The following JAK2 variants were observed in gnomAD, a reference collection of about 807,000 sequenced individuals.
JAK2 encodes tyrosine-protein kinase JAK2.
Under a neutral mutation model 139.3 loss-of-function variants are expected in JAK2, and 86 were observed. That is an observed-to-expected ratio of 0.62 (90% CI 0.52 to 0.74). JAK2 has a LOEUF of 0.74. JAK2 is among the 30% of genes least tolerant of loss of function. The probability of loss-of-function intolerance (pLI) is 0.00; values close to 1 mark genes in which losing one functional copy is unlikely to be tolerated. For synonymous variants in JAK2, 490 were observed against 437.7 expected (o/e 1.12, Z -1.49); for missense variants, 1,421 against 1,360.3 (o/e 1.04, Z -0.70).
At position 5,077,556 on chromosome 9, in the gene JAK2, G is replaced by T; in HGVS notation, c.1968G>T (p.Gln656His). The T allele has an allele frequency of 6.7e-7, 1 of 1,491,336 alleles. No homozygotes were observed. The highest frequency in any genetic ancestry group is 8.9e-7 in the Non-Finnish European group (1 of 1,121,492). 92.4% of individuals were successfully genotyped at this position (1,491,336 alleles called of 1,614,324 possible). Reference sequence around the variant, plus strand: ...TATGGAAACTTGAAGTTGCTAAACAGTTGGCATGGGCCATGCATTTTCTAG... The same window carrying T: ...TATGGAAACTTGAAGTTGCTAAACATTTGGCATGGGCCATGCATTTTCTAG... ...NILWKLEVAKQLAWAMHFLEE... is the reference protein window; with the variant it reads ...NILWKLEVAKHLAWAMHFLEE... The change falls in exon 15 of 25, where the codon CAG becomes CAT. Residue 656 changes from glutamine (Q) to histidine (H), a missense_variant. Coordinates refer to ENST00000381652, the MANE Select transcript of JAK2 (RefSeq NM_004972.4).
intron 19 of JAK2, chr9:5,085,922 C>A: frequency 9.4e-7 from 1 of 1,059,192 alleles, no homozygotes; most frequent in Non-Finnish European, 1.5e-6. Flanking sequence ...ACAGACCTTT[C>A]AAGTCTCTCC....
At chr9:5,020,899 C>T (rs796732451) in intron 2 of JAK2, among the ~76,000 whole-genome samples, 8 of 152,116 alleles carry the variant, frequency 5.3e-5, no homozygotes, top group African/African-American at 1.9e-4. Flanking sequence ...GTGGGTTGGG[C>T]TTTAAAAATG....
chr9:5,090,614 T>C (rs745920399), intron 21 of JAK2, 44 bp downstream of exon 21: 90 of 1,547,812 alleles, frequency 5.8e-5, no homozygotes, highest in Middle Eastern at 1.7e-4. Flanking sequence ...AGCAACCGTG[T>C]TGAAGTAGAC....
chr9:5,118,074 T>C (rs1294101689), intron 22 of JAK2, among the ~76,000 whole-genome samples: 2 of 152,358 alleles, frequency 1.3e-5, no homozygotes, highest in Middle Eastern at 3.4e-3. Flanking sequence ...CCTTTAAATG[T>C]GTCCAACTGA....
At position 5,089,860 on chromosome 9, in the gene JAK2, G is replaced by C; in HGVS notation, c.2758G>C (p.Ala920Pro). ...AAAGTACAAGGGAGTGTGCTACAGT[G>C]CTGGTAAGCTGCCCATTGAAACCTA... is the stretch of plus-strand genomic sequence containing the variant. ...IVKYKGVCYSAGRRNLKLIME... is the reference protein window; with the variant it reads ...IVKYKGVCYSPGRRNLKLIME... Residue 920 changes from alanine (A) to proline (P), a missense_variant, in exon 20 of 25, where the codon GCT becomes CCT. Coordinates refer to ENST00000381652, the MANE Select transcript of JAK2 (RefSeq NM_004972.4). The C allele has an allele frequency of 6.8e-7, 1 of 1,480,304 alleles. No homozygotes were observed. Among genetic ancestry groups the C allele is most frequent in the Non-Finnish European group, 8.9e-7 (1 of 1,117,856 alleles). The allele number at this position is 1,480,304 out of a possible 1,614,324, so 91.7% of individuals were successfully genotyped here.
intron 2 of JAK2, among the ~76,000 whole-genome samples, chr9:5,011,930 T>G (rs778738419): frequency 2.6e-5 from 4 of 152,152 alleles, no homozygotes; most frequent in Non-Finnish European, 5.9e-5. Flanking sequence ...GCCTGAGATA[T>G]TTACCAGTTC....
intron 8 of JAK2, among the ~76,000 whole-genome samples, chr9:5,062,279 C>A (rs1173226970): frequency 6.6e-6 from 1 of 151,754 alleles, no homozygotes; most frequent in Non-Finnish European, 1.5e-5. Context: ...ATGCAGGGGT[C>A]CTGTAACTAA....
intron 22 of JAK2, chr9:5,111,494 G>A: frequency 2.7e-6 from 1 of 366,932 alleles, no homozygotes; most frequent in Non-Finnish European, 5.4e-6. Flanking sequence ...GTACGGTAGG[G>A]ATGCCGCCGC....
intron 20 of JAK2, 54 bp from the exon 21 acceptor site, chr9:5,090,392 T>G: frequency 1.6e-6 from 2 of 1,267,714 alleles, no homozygotes; most frequent in Non-Finnish European, 1.0e-6. Context: ...TTTCTAATAT[T>G]TAATCAGTAT....
chr9:5,076,835 C>T (rs1819337911), intron 14 of JAK2, among the ~76,000 whole-genome samples: 1 of 151,996 alleles, frequency 6.6e-6, no homozygotes, highest in Non-Finnish European at 1.5e-5. Context: ...TGGTTTGGAA[C>T]CTGTTATATG....
chr9:5,038,291 C>A (rs928683892), intron 4 of JAK2, among the ~76,000 whole-genome samples: 1 of 152,014 alleles, frequency 6.6e-6, no homozygotes, highest in South Asian at 2.1e-4. Flanking sequence ...ATAAAGAAAT[C>A]AAATTAGCAA....
chr9:4,995,728 C>T lies in JAK2; in HGVS notation c.-26+9706C>T, dbSNP rs116500898. On this transcript the variant is annotated intron_variant, in intron 2 of 24. Coordinates refer to ENST00000381652, the MANE Select transcript of JAK2 (RefSeq NM_004972.4). ...GTACTTGAAAATAAAATGAATAAAT[C>T]AAGCATTTAGGAATAGAAGCAGATC... is the stretch of plus-strand genomic sequence containing the variant. Among the ~76,000 whole-genome samples the T allele has an allele frequency of 8.1e-3, 1,227 of 152,242 alleles. 18 individuals are homozygous for T. Among genetic ancestry groups the T allele is most frequent in the African/African-American group, 0.027 (1,134 of 41,532 alleles).
chr9:5,074,608 G>A (rs181213313), intron 14 of JAK2, among the ~76,000 whole-genome samples: 7 of 152,322 alleles, frequency 4.6e-5, no homozygotes, highest in Admixed American at 3.3e-4. Context: ...CCATCAATGA[G>A]CCATTCCTCT....
At chr9:5,077,713 G>A in intron 15 of JAK2, 133 bp downstream of exon 15, 1 of 484,252 alleles carries the variant, frequency 2.1e-6, no homozygotes. Context: ...TGTGTTAGGT[G>A]ATAAAAAGAG....
intron 10 of JAK2, among the ~76,000 whole-genome samples, chr9:5,068,085 G>A (rs774149562): frequency 5.3e-5 from 8 of 151,692 alleles, no homozygotes; most frequent in Non-Finnish European, 8.8e-5. Context: ...GCTTGAACCC[G>A]GGAGGTGGAG....
chr9:5,035,806 T>C (rs1823550562), intron 4 of JAK2, among the ~76,000 whole-genome samples: 1 of 152,190 alleles, frequency 6.6e-6, no homozygotes, highest in African/African-American at 2.4e-5. Flanking sequence ...AAGCATTCCC[T>C]TTGAAAACTG....
chr9:5,086,050 C>G lies in JAK2; in HGVS notation c.2572-3624C>G, dbSNP rs1231362685. ...GGACAGGCAGGTGTTAAATGCTTCA[C>G]AAGATTAAAATAGGGTATCTGAGAC... On this transcript the variant is annotated intron_variant, in intron 19 of 24. Coordinates refer to ENST00000381652, the MANE Select transcript of JAK2 (RefSeq NM_004972.4). 5.4e-6 allele frequency: 4 copies of G among 740,130 alleles called. 1 individual carries two copies. Among genetic ancestry groups the G allele is most frequent in the South Asian group, 2.8e-5 (2 of 72,472 alleles). 45.8% of individuals were successfully genotyped at this position (740,130 alleles called of 1,614,324 possible). A position where few individuals can be genotyped will look rare whatever the true frequency, so the allele number is the denominator to read the frequency against.
chr9:5,041,222 C>A (rs796627727), intron 4 of JAK2: 72 of 1,466,194 alleles, frequency 4.9e-5, no homozygotes, highest in Non-Finnish European at 6.1e-5. Flanking sequence ...CCTGGTGGGG[C>A]GCCCGGGGAC....
intron 4 of JAK2, among the ~76,000 whole-genome samples, chr9:5,035,887 C>T (rs1397426057): frequency 6.6e-6 from 1 of 152,168 alleles, no homozygotes; most frequent in African/African-American, 2.4e-5. Context: ...CCAGGGCAGT[C>T]AGGCTGGAGA....
Sources: gnomAD v4.1 joint callset for allele counts (sites outside exome capture counted in the v4.1 genomes callset) on GRCh38, gnomAD v4.1.1 for gene constraint, MANE v1.5 for transcripts, NCBI Gene and HGNC (gene_info 2026-07-23, HGNC 2026-07-21) for gene names.